The following C9 variants were observed in gnomAD, a reference collection of about 807,000 sequenced individuals.
C9 encodes the protein complement C9, also known as complement component C9.
C9 carries 63 observed loss-of-function variants against 65.4 expected under a neutral mutation model. The ratio of observed to expected loss-of-function variants is 0.96; its 90% confidence interval spans 0.79 to 1.19. The LOEUF is 1.19. Ranked by LOEUF, C9 falls within the 50% of genes most tolerant of loss-of-function variation. The pLI is 0.00. For synonymous variants in C9, 229 were observed against 227.9 expected, an observed-to-expected ratio of 1.00 and a Z score of -0.04; for missense variants, 744 against 670.1, an observed-to-expected ratio of 1.11 and a Z score of -1.22.
At chr5:39,328,674 G>T (rs1437330761) in intron 5 of C9, among the ~76,000 whole-genome samples, 1 of 152,154 alleles carries the variant, frequency 6.6e-6, no homozygotes, top group Admixed American at 6.5e-5. Context: ...GAGAAAAAAA[G>T]ATTCCAAAAA....
At chr5:39,339,880 C>T (rs1045263674) in intron 4 of C9, among the ~76,000 whole-genome samples, 17 of 151,838 alleles carry the variant, frequency 1.1e-4, no homozygotes, top group African/African-American at 3.6e-4. Flanking sequence ...AGGATGGTCT[C>T]GATCTCCTGA....
At position 39,349,137 on chromosome 5, in the gene C9, G is replaced by A. The variant is rs376692038; in HGVS notation, c.78-6941C>T. Among the ~76,000 whole-genome samples, 157 of 151,486 alleles carry A rather than the reference G, an allele frequency of 1.0e-3. 5 individuals carry two copies. In the South Asian group the frequency reaches 0.031, roughly 30 times the overall value. ...GTATACATATGTAACCAACGTGCAC[G>A]TTGTGCACATATGCCCTAGAACTTA... is the stretch of plus-strand genomic sequence containing the variant. On this transcript the variant is annotated intron_variant, in intron 1 of 10. Coordinates refer to ENST00000263408, the MANE Select transcript of C9 (RefSeq NM_001737.5).
intron 5 of C9, among the ~76,000 whole-genome samples, chr5:39,325,449 T>C (rs1753731242): frequency 6.6e-6 from 1 of 152,204 alleles, no homozygotes. Flanking sequence ...TCCCTCATTG[T>C]ACACTTCTTT....
At chr5:39,360,761 C>A (rs973459562) in intron 1 of C9, among the ~76,000 whole-genome samples, 1 of 151,528 alleles carries the variant, frequency 6.6e-6, no homozygotes, top group Non-Finnish European at 1.5e-5. Flanking sequence ...TTTTTTTTAA[C>A]CTATGAAGTT....
intron 1 of C9, among the ~76,000 whole-genome samples, chr5:39,349,578 C>T (rs973322365): frequency 7.2e-5 from 11 of 152,294 alleles, no homozygotes; most frequent in South Asian, 2.1e-4. Context: ...AGCCAAGTTT[C>T]TTGAGAAAGT....
At chr5:39,289,556 T>C (rs964830965) in intron 9 of C9, among the ~76,000 whole-genome samples, 2 of 151,806 alleles carry the variant, frequency 1.3e-5, no homozygotes, top group Non-Finnish European at 2.9e-5. Context: ...GGATAGAAGT[T>C]AGTATATACC....
chr5:39,308,456 T>G, intron 7 of C9, 98 bp from the exon 8 acceptor site: 1 of 849,048 alleles, frequency 1.2e-6, no homozygotes, highest in South Asian at 1.4e-5. Context: ...CTTACTTAGG[T>G]TCCTATACAC....
At chr5:39,335,931 G>A (rs530449013) in intron 4 of C9, among the ~76,000 whole-genome samples, 4 of 152,254 alleles carry the variant, frequency 2.6e-5, no homozygotes, top group South Asian at 2.1e-4. Flanking sequence ...ATGGTCTTCA[G>A]ATACTCTGTT....
intron 7 of C9, among the ~76,000 whole-genome samples, chr5:39,310,879 T>C (rs907763494): frequency 1.3e-5 from 2 of 152,200 alleles, no homozygotes; most frequent in African/African-American, 4.8e-5. Flanking sequence ...TTCTAATAGA[T>C]GTGAAGCTGC....
chr5:39,321,148 T>G (rs1753660110), intron 5 of C9, among the ~76,000 whole-genome samples: 1 of 152,016 alleles, frequency 6.6e-6, no homozygotes, highest in African/African-American at 2.4e-5. Context: ...CACACCATAT[T>G]GATGATGTAC....
intron 5 of C9, 124 bp from the exon 6 acceptor site, chr5:39,316,153 C>T: frequency 1.3e-6 from 1 of 744,800 alleles, no homozygotes; most frequent in Non-Finnish European, 2.2e-6. Flanking sequence ...GAGTTAAGAG[C>T]AAAAGTGATG....
intron 5 of C9, among the ~76,000 whole-genome samples, chr5:39,328,664 G>C (rs1753791913): frequency 6.6e-6 from 1 of 152,026 alleles, no homozygotes; most frequent in African/African-American, 2.4e-5. Flanking sequence ...GATATACCAG[G>C]AGAAAAAAAG....
At chr5:39,351,053 T>C (rs890895338) in intron 1 of C9, among the ~76,000 whole-genome samples, 1 of 152,220 alleles carries the variant, frequency 6.6e-6, no homozygotes, top group African/African-American at 2.4e-5. Flanking sequence ...CAACCTCAAC[T>C]CTTCCCTTCT....
intron 4 of C9, among the ~76,000 whole-genome samples, chr5:39,339,964 TGTCTGCTGGG>T (rs1754045277): frequency 6.6e-6 from 1 of 152,122 alleles, no homozygotes. Flanking sequence ...TATCGTCAAA[TGTCTGCTGGG>T]GGAAAAATTA....
In C9 at chr5:39,341,663, T is replaced by C; in HGVS notation, c.221A>G (p.Asn74Ser). 1.2e-6 allele frequency: 2 copies of C among 1,614,036 alleles called. No homozygotes were observed. Among genetic ancestry groups the C allele is most frequent in the South Asian group, 2.2e-5 (2 of 91,074 alleles). ...SRSIEVFGQF[N>S]GKRCTDAVGD... ...CACAGCGTCGGTGCATCTTTTCCCA[T>C]TAAATTGTCCAAAGACCTCAATGCT... Residue 74 changes from asparagine to serine, a missense_variant, in exon 3 of 11, where the codon AAT (asparagine) becomes AGT (serine). By Grantham distance (46) the Asn-to-Ser change is conservative. Transcript: ENST00000263408.
chr5:39,347,211 A>G (rs1393010803), intron 1 of C9, among the ~76,000 whole-genome samples: 2 of 152,196 alleles, frequency 1.3e-5, no homozygotes, highest in Non-Finnish European at 1.5e-5. Context: ...GTATTCAATT[A>G]GGAAAAGAGG....
chr5:39,341,073 G>T, intron 4 of C9, 73 bp downstream of exon 4: 1 of 1,500,680 alleles, frequency 6.7e-7, no homozygotes, highest in Non-Finnish European at 9.3e-7. Context: ...GCTTCTACCA[G>T]TCTATCACAA....
At chr5:39,349,393 C>T (rs1275774392) in intron 1 of C9, among the ~76,000 whole-genome samples, 1 of 152,190 alleles carries the variant, frequency 6.6e-6, no homozygotes, top group African/African-American at 2.4e-5. Flanking sequence ...CATGCACCAT[C>T]CCTGATTACA....
Position 39,331,717 on chromosome 5 carries a change from A to G in C9, c.574T>C (p.Tyr192His). The stretch of plus-strand genomic sequence containing the variant: ...GCCACGTTCCAAGGTCTTCGGTAGT[A>G]TGTCAGAGTGTTTCCATCCCGATCC... Reference protein sequence around the residue: ...NRDRDGNTLTYYRRPWNVASL... With the variant: ...NRDRDGNTLTHYRRPWNVASL... The change falls in exon 5 of 11, where the codon TAC becomes CAC. Residue 192 changes from tyrosine (Y) to histidine (H), a missense_variant. Physicochemically the swap from Tyr to His is moderately conservative, Grantham distance 83 (BLOSUM62 2). Coordinates refer to ENST00000263408, the MANE Select transcript of C9 (RefSeq NM_001737.5). The G allele has an allele frequency of 6.2e-7, 1 of 1,613,934 alleles. No individual in the cohort carries two copies. The highest frequency in any genetic ancestry group is 8.5e-7 in the Non-Finnish European group (1 of 1,179,784).
Sources: allele counts gnomAD v4.1 joint callset (sites outside exome capture counted in the v4.1 genomes callset), GRCh38; gene constraint gnomAD v4.1.1; transcripts MANE v1.5; gene names NCBI Gene and HGNC (gene_info 2026-07-23, HGNC 2026-07-21).